The following CDKL5 variants were observed in gnomAD, a reference collection of about 807,000 sequenced individuals.
The protein encoded by CDKL5 is cyclin-dependent kinase-like 5.
Under a neutral mutation model 61.7 loss-of-function variants are expected in CDKL5, and 8 were observed. That is an observed-to-expected ratio of 0.13 (90% CI 0.08 to 0.23). CDKL5 has a LOEUF of 0.23. CDKL5 is among the 10% of genes least tolerant of loss of function. CDKL5 has a pLI of 1.00. For synonymous variants in CDKL5, 275 were observed against 272.3 expected (o/e 1.01, Z -0.10); for missense variants, 440 against 734.5 (o/e 0.60, Z 4.63).
intron 1 of CDKL5, chrX:18,443,794 G>A (rs1931808060): frequency 9.0e-6 from 1 of 110,925 alleles, no homozygotes; most frequent in South Asian, 3.7e-4. Flanking sequence ...TTTAGCTCCC[G>A]TTAATTTTTA....
At chrX:18,430,217 A>G (rs1931452788) in intron 1 of CDKL5, among the ~76,000 whole-genome samples, 3 of 112,421 alleles carry the variant, frequency 2.7e-5, no homozygotes, top group African/African-American at 6.5e-5. Context: ...CTAATTAGCT[A>G]CTTGGTATTT....
intron 1 of CDKL5, among the ~76,000 whole-genome samples, chrX:18,468,482 A>G (rs1920983986): frequency 8.9e-6 from 1 of 112,169 alleles, no homozygotes; most frequent in Admixed American, 9.5e-5. Flanking sequence ...TATGAGTTCT[A>G]TACCATTTTG....
chrX:18,459,597 G>T (rs1229264517), intron 1 of CDKL5, among the ~76,000 whole-genome samples: 1 of 109,049 alleles, frequency 9.2e-6, no homozygotes, highest in Admixed American at 9.9e-5. Context: ...CCTGAGACTG[G>T]GTAATTTATA....
chrX:18,617,398 C>G (rs1200751887), intron 15 of CDKL5, among the ~76,000 whole-genome samples: 1 of 112,170 alleles, frequency 8.9e-6, no homozygotes, highest in Non-Finnish European at 1.9e-5. Flanking sequence ...CTCTTTACCC[C>G]ACTCAGCACG....
rs148697943 is a variant in CDKL5 at position 18,575,388 on chromosome X, G to A, written c.180G>A (p.Glu60=). 1.8e-4 allele frequency: 215 copies of A among 1,206,750 alleles called. No homozygotes were observed. The East Asian group carries it at 4.8e-3, about 27-fold the overall frequency. Residue 60 remains glutamate, a synonymous_variant, in exon 5 of 18, where the codon GAG becomes GAA. Coordinates refer to ENST00000623535, the MANE Select transcript of CDKL5 (RefSeq NM_001323289.2). ...AAGTCAAAGAAACGACTTTACGAGA[G>A]CTTAAAATGCTTCGGACTCTCAAGC... is the stretch of plus-strand genomic sequence containing the variant. ...NEEVKETTLR[E]LKMLRTLKQE... is the part of the protein sequence containing the mutation.
At chrX:18,548,133 G>GT (rs771622672) in intron 3 of CDKL5, among the ~76,000 whole-genome samples, 2,358 of 99,717 alleles carry the variant, frequency 0.024, 43 homozygotes, top group Non-Finnish European at 0.036. Flanking sequence ...GAGCTAGAAA[G>GT]TTTTTTTTTT....
At chrX:18,648,524 TG>T (rs1174850841) in intron 20 of CDKL5, among the ~76,000 whole-genome samples, 2 of 111,027 alleles carry the variant, frequency 1.8e-5, no homozygotes, top group East Asian at 5.8e-4. Flanking sequence ...ATTACAGGTG[TG>T]AGCCATCACA....
chrX:18,505,268 A>G (rs1922537717), intron 1 of CDKL5, among the ~76,000 whole-genome samples: 1 of 111,791 alleles, frequency 8.9e-6, no homozygotes, highest in African/African-American at 3.2e-5. Context: ...AGTTGTAAAC[A>G]TGATGCCCCT....
At chrX:18,622,450 G>A (rs746384391) in intron 16 of CDKL5, among the ~76,000 whole-genome samples, 2 of 111,977 alleles carry the variant, frequency 1.8e-5, no homozygotes, top group South Asian at 7.4e-4. Flanking sequence ...AGAGTCCTAC[G>A]CCTGACATTG....
rs1335564675 is a variant in CDKL5 at position 18,459,183 on chromosome X, T to A, written c.-163+33488T>A. ...CTGGTGTACTTTTTTAAGAGGGTTT[T>A]TAGAACAAATTTCATCACATTGAAA... On this transcript the variant is annotated intron_variant, in intron 1 of 17. Transcript: ENST00000623535. Among the ~76,000 whole-genome samples, 12 of 112,387 alleles carry A rather than the reference T, an allele frequency of 1.1e-4. No individual in the cohort carries two copies. In the Admixed American group the frequency reaches 1.1e-3, roughly 11 times the overall value.
Position 18,631,230 on chromosome X carries a change from A to G in CDKL5, c.*2473A>G. On this transcript the variant is annotated 3_prime_UTR_variant, in exon 18 of 18. Transcript: ENST00000623535. The stretch of plus-strand genomic sequence containing the variant: ...AGTAAACCTAATTGTTGAAGAGTCA[A>G]TACGTACTTTTTGTACTTTCCCAGA... 9 of 753,192 alleles carry G rather than the reference A, an allele frequency of 1.2e-5. No homozygotes were observed. The highest frequency in any genetic ancestry group is 1.4e-5 in the Non-Finnish European group (9 of 638,206). The allele number at this position is 753,192 out of a possible 1,213,427, so 62.1% of individuals were successfully genotyped here. A position where few individuals can be genotyped will look rare whatever the true frequency, so the allele number is the denominator to read the frequency against.
At chrX:18,428,035 A>G (rs983071106) in intron 1 of CDKL5, among the ~76,000 whole-genome samples, 1 of 111,806 alleles carries the variant, frequency 8.9e-6, no homozygotes, top group Non-Finnish European at 1.9e-5. Context: ...TGCGAATCAG[A>G]TGTATTCGGT....
In CDKL5 at chrX:18,628,668, G is replaced by T. The variant is rs756440775; in HGVS notation, c.2794G>T (p.Ala932Ser). The T allele has an allele frequency of 4.2e-6, 5 of 1,202,123 alleles. No homozygotes were observed. The African/African-American group carries it at 8.8e-5, about 21-fold the overall frequency. The change falls in exon 18 of 18, where the codon GCC becomes TCC. Residue 932 changes from alanine to serine, a missense_variant. Coordinates refer to ENST00000623535, the MANE Select transcript of CDKL5 (RefSeq NM_001323289.2). ...CCCTTCCTACTCTGAACAGCTGGGT[G>T]CCAAAAGTGGGCCAAATGGGCACCC... is the stretch of plus-strand genomic sequence containing the variant. ...EGPSYSEQLGAKSGPNGHPYN... is the reference protein window; with the variant it reads ...EGPSYSEQLGSKSGPNGHPYN...
chrX:18,605,950 G>A (rs778209656), intron 12 of CDKL5, among the ~76,000 whole-genome samples: 2 of 112,142 alleles, frequency 1.8e-5, no homozygotes, highest in South Asian at 3.7e-4. Flanking sequence ...TTGGGAGGCC[G>A]AGGCAGGCAG....
intron 1 of CDKL5, among the ~76,000 whole-genome samples, chrX:18,481,371 T>TCTTCCTTTCTTCC (rs1569192149): frequency 1.0e-5 from 1 of 95,858 alleles, no homozygotes; most frequent in Non-Finnish European, 2.1e-5. Flanking sequence ...TTTCTTTCTT[T>TCTTCCTTTCTTCC]TGAGGCAGGG....
At chrX:18,567,807 C>T in intron 4 of CDKL5, among the ~76,000 whole-genome samples, 1 of 111,495 alleles carries the variant, frequency 9.0e-6, no homozygotes, top group Non-Finnish European at 1.9e-5. Flanking sequence ...CTCGCTTGAG[C>T]CCAGAAGGTT....
chrX:18,502,396 T>G (rs899111188), intron 1 of CDKL5, among the ~76,000 whole-genome samples: 7 of 111,980 alleles, frequency 6.3e-5, no homozygotes, highest in South Asian at 7.3e-4. Flanking sequence ...CTTAAAAAAT[T>G]TTTGATTCCA....
rs767312604 is a variant in CDKL5 at position 18,650,469 on chromosome X, G to T, written c.2857G>T (p.Ala953Ser). The T allele has an allele frequency of 1.2e-5, 14 of 1,211,845 alleles. No individual in the cohort carries two copies. Among genetic ancestry groups the T allele is most frequent in the Non-Finnish European group, 1.6e-5 (14 of 895,461 alleles). ...TCACACTCCGTGCGTCCCAAACCGA[G>T]CCCTTCATCGTCCAATCTCCAGTCC... is the stretch of plus-strand genomic sequence containing the variant. The change falls in exon 21 of 22, where the codon GCC becomes TCC. Residue 953 changes from alanine to serine, a missense_variant. Transcript: ENST00000379989.
chrX:18,544,981 A>G (rs765348830), intron 3 of CDKL5, among the ~76,000 whole-genome samples: 1 of 111,583 alleles, frequency 9.0e-6, no homozygotes, highest in Admixed American at 9.5e-5. Flanking sequence ...TAATCCCAGC[A>G]CTGTGGGAGG....
Sources: gnomAD v4.1 joint callset for allele counts (sites outside exome capture counted in the v4.1 genomes callset) on GRCh38, gnomAD v4.1.1 for gene constraint, MANE v1.5 for transcripts, NCBI Gene and HGNC (gene_info 2026-07-23, HGNC 2026-07-21) for gene names.